Variants in GALK2 observed in about 807,000 individuals in gnomAD.
The protein encoded by GALK2 is galactokinase 2.
GALK2 carries 36 observed loss-of-function variants against 52.4 expected under a neutral mutation model. The observed-to-expected ratio is 0.69, with a 90% CI of 0.53 to 0.91. The LOEUF is 0.91. Among genes scored for constraint, GALK2 ranks in the 40% least tolerant of loss-of-function variants. The pLI, the probability that GALK2 is intolerant of heterozygous loss-of-function variation, is 0.00. For synonymous variants in GALK2, 176 were observed against 199.1 expected, an observed-to-expected ratio of 0.88 and a Z score of 0.98; for missense variants, 579 against 559.1, an observed-to-expected ratio of 1.04 and a Z score of -0.36.
intron 8 of GALK2, among the ~76,000 whole-genome samples, chr15:49,299,755 C>CTTTCTTTTTTTTT (rs1567037466): frequency 8.0e-6 from 1 of 124,606 alleles, no homozygotes; most frequent in African/African-American, 3.2e-5. Context: ...TTCTTTCTTT[C>CTTTCTTTTTTTTT]TTTCTTTCTT....
chr15:49,160,115 A>G (rs2084599308), intron 1 of GALK2, among the ~76,000 whole-genome samples: 2 of 152,126 alleles, frequency 1.3e-5, no homozygotes, highest in African/African-American at 4.8e-5. Context: ...CTCTACTAAA[A>G]ATACAAAAAT....
At chr15:49,176,181 G>T (rs1016500451) in intron 1 of GALK2, among the ~76,000 whole-genome samples, 1 of 152,232 alleles carries the variant, frequency 6.6e-6, no homozygotes, top group Admixed American at 6.5e-5. Context: ...ATGTGCCAGG[G>T]GGCAATCATT....
At chr15:49,335,179 C>T (rs1323342827), downstream of GALK2, among the ~76,000 whole-genome samples, 1 of 152,080 alleles carries the variant, frequency 6.6e-6, no homozygotes, top group Non-Finnish European at 1.5e-5. Context: ...TGTTGGGGTG[C>T]ACCCCTCCAG....
chr15:49,226,252 T>A (rs576630239), intron 3 of GALK2, among the ~76,000 whole-genome samples: 3 of 152,138 alleles, frequency 2.0e-5, no homozygotes, highest in Non-Finnish European at 2.9e-5. Context: ...GTACCTAGGA[T>A]TGGAGATCTG....
chr15:49,324,981 C>T (rs2037219581), intron 9 of GALK2, among the ~76,000 whole-genome samples: 1 of 152,160 alleles, frequency 6.6e-6, no homozygotes, highest in Admixed American at 6.5e-5. Context: ...AAATACAAGG[C>T]ATAATTTCTT....
chr15:49,331,030 C>T lies in GALK2; in HGVS notation c.*2871C>T, dbSNP rs1209776610. On this transcript the variant is annotated 3_prime_UTR_variant, in exon 10 of 10. Transcript: ENST00000560031. ...GTCCTGTTTGTATATTATACAACAC[C>T]CAGGTGTTTCACTCTTTCTATCACT... is the stretch of plus-strand genomic sequence containing the variant. 1 of 152,162 alleles carries T rather than the reference C, an allele frequency of 6.6e-6. No homozygotes were observed. The highest frequency in any genetic ancestry group is 2.4e-5 in the African/African-American group (1 of 41,434). 9.4% of individuals were successfully genotyped at this position (152,162 alleles called of 1,614,324 possible). A position where few individuals can be genotyped will look rare whatever the true frequency, so the allele number is the denominator to read the frequency against.
intron 8 of GALK2, among the ~76,000 whole-genome samples, chr15:49,312,085 T>C (rs1204451112): frequency 1.3e-5 from 2 of 152,238 alleles, no homozygotes; most frequent in Non-Finnish European, 2.9e-5. Flanking sequence ...CATCCAAGTC[T>C]TTATCTCAAG....
chr15:49,362,634 C>A (rs1321627212), intron 3 of GALK2, among the ~76,000 whole-genome samples: 1 of 152,160 alleles, frequency 6.6e-6, no homozygotes, highest in Non-Finnish European at 1.5e-5. Context: ...AATTAGGTTT[C>A]ATCTGTCAAT....
intron 5 of GALK2, among the ~76,000 whole-genome samples, chr15:49,277,137 ATTTTTTTTTTTTTTTTTTTTTTTTTTTTT>A (rs1272500341): frequency 1.9e-4 from 7 of 35,948 alleles, no homozygotes; most frequent in Admixed American, 5.1e-4. Context: ...TAATTTTTGT[ATTTTTTTTTTTTTTTTTTTTTTTTTTTTT>A]TTTTTTTTTT....
intron 2 of GALK2, among the ~76,000 whole-genome samples, chr15:49,202,563 A>G (rs187761856): frequency 1.4e-4 from 22 of 152,316 alleles, no homozygotes; most frequent in South Asian, 4.1e-4. Context: ...ATAGTATTCC[A>G]TTGCACACAT....
intron 5 of GALK2, among the ~76,000 whole-genome samples, chr15:49,266,553 TGG>T (rs2092368018): frequency 6.6e-6 from 1 of 152,210 alleles, no homozygotes; most frequent in Non-Finnish European, 1.5e-5. Flanking sequence ...TCTACTTCTC[TGG>T]TCTCCATTTT....
At chr15:49,282,615 G>T (rs957722960) in intron 6 of GALK2, among the ~76,000 whole-genome samples, 1 of 152,168 alleles carries the variant, frequency 6.6e-6, no homozygotes, top group Non-Finnish European at 1.5e-5. Context: ...GAATTCCTTA[G>T]CTGGATACCG....
intron 3 of GALK2, among the ~76,000 whole-genome samples, chr15:49,230,211 G>C (rs939383799): frequency 5.9e-5 from 9 of 152,092 alleles, no homozygotes; most frequent in African/African-American, 2.2e-4. Context: ...AAGACTTGGG[G>C]GTGTGTGGAA....
intron 3 of GALK2, among the ~76,000 whole-genome samples, chr15:49,358,746 T>C (rs1555452729): frequency 6.6e-6 from 1 of 151,962 alleles, no homozygotes; most frequent in Non-Finnish European, 1.5e-5. Context: ...ACTTTAAAGT[T>C]CATATGGAAC....
chr15:49,258,788 A>ATGTGTGTG (rs1468439517), intron 5 of GALK2, among the ~76,000 whole-genome samples: 205 of 113,122 alleles, frequency 1.8e-3, no homozygotes, highest in South Asian at 9.0e-3. Context: ...ATATATATAT[A>ATGTGTGTG]TATATATGTG....
chr15:49,260,430 A>T, intron 5 of GALK2, among the ~76,000 whole-genome samples: 1 of 147,312 alleles, frequency 6.8e-6, no homozygotes, highest in Non-Finnish European at 1.5e-5. Flanking sequence ...TTTTTCTTGT[A>T]AATTTGTTTG....
intron 8 of GALK2, among the ~76,000 whole-genome samples, chr15:49,308,228 C>T (rs1282927190): frequency 1.3e-5 from 2 of 152,186 alleles, no homozygotes; most frequent in Non-Finnish European, 2.9e-5. Context: ...TGGTTTTCCT[C>T]ATCCATCTCT....
At chr15:49,215,864 C>A (rs184828909) in intron 2 of GALK2, among the ~76,000 whole-genome samples, 30 of 152,198 alleles carry the variant, frequency 2.0e-4, no homozygotes, top group Admixed American at 1.2e-3. Flanking sequence ...CTTGTTTGTA[C>A]CCTTCATTCT....
Position 49,188,687 on chromosome 15 carries a change from TA to T in GALK2, c.54-12474del, listed in dbSNP as rs534044220. ...GGTATTTCTGCAGGAGGATGATCCC[TA>T]GAGGGTTCTATTTGGTTATCTTGCT... On this transcript the variant is annotated intron_variant, in intron 1 of 9. Transcript: ENST00000560031. Among the ~76,000 whole-genome samples the T allele has an allele frequency of 5.2e-4, 79 of 152,340 alleles. 1 individual carries two copies. The highest frequency in any genetic ancestry group is 9.7e-4 in the Non-Finnish European group (66 of 68,024).
Sources: allele counts gnomAD v4.1 joint callset (sites outside exome capture counted in the v4.1 genomes callset), GRCh38; gene constraint gnomAD v4.1.1; transcripts MANE v1.5; gene names NCBI Gene and HGNC (gene_info 2026-07-23, HGNC 2026-07-21).